The following MSRA variants were observed in gnomAD, a reference collection of about 807,000 sequenced individuals.
MSRA encodes the protein mitochondrial peptide methionine sulfoxide reductase.
A neutral mutation model predicts 31.3 loss-of-function variants in MSRA; 54 were observed. The observed-to-expected ratio is 1.73, with a 90% CI of 1.39 to 2.17. The LOEUF (loss-of-function observed/expected upper bound fraction) is 2.17, where lower values mean the gene tolerates loss of function less well. Ranked by LOEUF, MSRA falls within the 30% of genes most tolerant of loss-of-function variation. The pLI is 0.00. For synonymous variants in MSRA, 169 were observed against 116.5 expected (o/e 1.45, Z -2.90); for missense variants, 507 against 300.9 (o/e 1.69, Z -5.07).
intron 1 of MSRA, among the ~76,000 whole-genome samples, chr8:10,200,510 C>G (rs1198545666): frequency 6.6e-6 from 1 of 152,156 alleles, no homozygotes; most frequent in Non-Finnish European, 1.5e-5. Context: ...CCCTGCCTTG[C>G]TGCTCCTCAT....
intron 1 of MSRA, among the ~76,000 whole-genome samples, chr8:10,167,268 G>C (rs547588731): frequency 6.6e-6 from 1 of 152,178 alleles, no homozygotes. Flanking sequence ...GGAGATTGGT[G>C]TCCAAAGGCA....
At chr8:10,374,198 G>C (rs1042451772) in intron 5 of MSRA, among the ~76,000 whole-genome samples, 3 of 152,190 alleles carry the variant, frequency 2.0e-5, no homozygotes, top group African/African-American at 7.2e-5. Flanking sequence ...TTTGCCTGTG[G>C]AGTTTATGAG....
At chr8:10,219,667 G>T (rs573935029) in intron 2 of MSRA, among the ~76,000 whole-genome samples, 1 of 151,714 alleles carries the variant, frequency 6.6e-6, no homozygotes, top group Non-Finnish European at 1.5e-5. Context: ...TTAGCTGGGC[G>T]TGGCGGCGGA....
chr8:10,186,521 A>G (rs780013922), intron 1 of MSRA, among the ~76,000 whole-genome samples: 1 of 152,250 alleles, frequency 6.6e-6, no homozygotes, highest in Non-Finnish European at 1.5e-5. Flanking sequence ...CATAGGCTGT[A>G]CAAAAACAGG....
intron 3 of MSRA, among the ~76,000 whole-genome samples, chr8:10,290,588 C>G (rs1434110667): frequency 6.6e-6 from 1 of 152,178 alleles, no homozygotes; most frequent in Non-Finnish European, 1.5e-5. Flanking sequence ...CCCCAGCTCT[C>G]CTGTATCGGA....
At chr8:10,068,110 T>C (rs1797554690) in intron 1 of MSRA, among the ~76,000 whole-genome samples, 1 of 152,052 alleles carries the variant, frequency 6.6e-6, no homozygotes, top group African/African-American at 2.4e-5. Context: ...TGTCGAACTT[T>C]TGACCTCAAG....
Position 10,193,730 on chromosome 8 carries a change from T to G in MSRA, c.143-14103T>G, listed in dbSNP as rs75878013. Among the ~76,000 whole-genome samples the G allele has an allele frequency of 2.1e-4, 32 of 152,340 alleles. No homozygotes were observed. The East Asian group carries it at 6.0e-3, about 28-fold the overall frequency. Reference sequence around the variant, plus strand: ...AAAGTGGAAGATTTTGTTCATTATGTTTCTTAATATGAATATGCGCTGGGT... The same window carrying G: ...AAAGTGGAAGATTTTGTTCATTATGGTTCTTAATATGAATATGCGCTGGGT... On this transcript the variant is annotated intron_variant, in intron 1 of 5. Transcript: ENST00000317173.
chr8:10,109,248 C>T (rs969007160), intron 1 of MSRA, among the ~76,000 whole-genome samples: 2 of 152,106 alleles, frequency 1.3e-5, no homozygotes, highest in Non-Finnish European at 2.9e-5. Flanking sequence ...CCTTTTTTAC[C>T]TAGTGCTTAA....
At chr8:10,379,519 G>C (rs1805939474) in intron 5 of MSRA, among the ~76,000 whole-genome samples, 1 of 152,160 alleles carries the variant, frequency 6.6e-6, no homozygotes, top group Non-Finnish European at 1.5e-5. Flanking sequence ...CATTTCCTGA[G>C]CATCCTGGTC....
chr8:10,126,761 G>A (rs539456742), intron 1 of MSRA, among the ~76,000 whole-genome samples: 10 of 152,306 alleles, frequency 6.6e-5, no homozygotes, highest in East Asian at 1.9e-4. Flanking sequence ...TGATCCACTC[G>A]CCTTGGTCTC....
At chr8:10,318,114 G>A (rs904188593) in intron 4 of MSRA, among the ~76,000 whole-genome samples, 2 of 152,162 alleles carry the variant, frequency 1.3e-5, no homozygotes, top group East Asian at 1.9e-4. Context: ...CATTGTCCTC[G>A]ATTATTTTGC....
intron 1 of MSRA, among the ~76,000 whole-genome samples, chr8:10,153,977 G>A (rs1369664520): frequency 6.6e-6 from 1 of 152,186 alleles, no homozygotes; most frequent in African/African-American, 2.4e-5. Context: ...CAATTTTCAT[G>A]TGGATATTCA....
intron 1 of MSRA, among the ~76,000 whole-genome samples, chr8:10,133,128 A>T (rs1802019531): frequency 6.6e-6 from 1 of 152,134 alleles, no homozygotes; most frequent in African/African-American, 2.4e-5. Context: ...TCCTGGATCA[A>T]TTGTTGATGA....
At chr8:10,406,945 T>C (rs1160572977) in intron 5 of MSRA, among the ~76,000 whole-genome samples, 1 of 152,226 alleles carries the variant, frequency 6.6e-6, no homozygotes, top group East Asian at 1.9e-4. Context: ...CTTGATCTTC[T>C]GGGCTCCCTG....
At chr8:10,147,556 C>G (rs1803251591) in intron 1 of MSRA, among the ~76,000 whole-genome samples, 1 of 152,214 alleles carries the variant, frequency 6.6e-6, no homozygotes, top group Non-Finnish European at 1.5e-5. Context: ...GTGACGCCAA[C>G]CAACCGTGTA....
intron 3 of MSRA, among the ~76,000 whole-genome samples, chr8:10,262,595 G>A (rs765540947): frequency 1.3e-5 from 2 of 152,096 alleles, no homozygotes; most frequent in Non-Finnish European, 2.9e-5. Context: ...TGAGATTTAA[G>A]ATTGTTTTGG....
At chr8:10,337,613 C>G (rs919304899) in intron 5 of MSRA, 7 of 664,724 alleles carry the variant, frequency 1.1e-5, no homozygotes, top group Admixed American at 4.5e-5. Context: ...GTTAATTTTT[C>G]TGGTCCTGAT....
At chr8:10,256,812 G>C (rs1399576395) in intron 3 of MSRA, among the ~76,000 whole-genome samples, 2 of 152,124 alleles carry the variant, frequency 1.3e-5, no homozygotes, top group Non-Finnish European at 2.9e-5. Context: ...CTGAGTTTCA[G>C]CCCAGTGGGA....
At position 10,108,700 on chromosome 8, in the gene MSRA, G is replaced by T. The variant is rs539262092; in HGVS notation, c.142+54042G>T. Among the ~76,000 whole-genome samples the T allele has an allele frequency of 1.5e-4, 23 of 152,320 alleles. 2 individuals are homozygous for T. The South Asian group carries it at 4.8e-3, about 32-fold the overall frequency. ...ATTAGATTCTGTGCAGTCCTCACGA[G>T]GGGGTGTGATGGATCTTTGCAGGTC... is the stretch of plus-strand genomic sequence containing the variant. On this transcript the variant is annotated intron_variant, in intron 1 of 5. Coordinates refer to ENST00000317173, the MANE Select transcript of MSRA (RefSeq NM_012331.5).
Sources: gnomAD v4.1 joint callset for allele counts (sites outside exome capture counted in the v4.1 genomes callset) on GRCh38, gnomAD v4.1.1 for gene constraint, MANE v1.5 for transcripts, NCBI Gene and HGNC (gene_info 2026-07-23, HGNC 2026-07-21) for gene names.